Variants in CFAP47 observed in about 807,000 individuals in gnomAD.
The protein encoded by CFAP47 is cilia and flagella associated protein 47.
CFAP47 carries 29 observed loss-of-function variants against 148.1 expected under a neutral mutation model. That is an observed-to-expected ratio of 0.20 (90% CI 0.15 to 0.27). The LOEUF (loss-of-function observed/expected upper bound fraction) is 0.27, where lower values mean the gene tolerates loss of function less well. Ranked by LOEUF, CFAP47 falls within the 10% of genes least tolerant of loss-of-function variation. The pLI is 1.00. For synonymous variants in CFAP47, 664 were observed against 577.3 expected (o/e 1.15, Z -2.15); for missense variants, 1,872 against 1,697.5 (o/e 1.10, Z -1.81).
At chrX:36,349,515 A>C (rs1941725649) in intron 58 of CFAP47, among the ~76,000 whole-genome samples, 1 of 111,618 alleles carries the variant, frequency 9.0e-6, no homozygotes, top group South Asian at 3.7e-4. Flanking sequence ...CGCCTGCCTC[A>C]GCCTTCCAAA....
intron 51 of CFAP47, 136 bp from the exon 52 acceptor site, chrX:36,298,841 T>C (rs1056001008): frequency 1.8e-5 from 7 of 382,336 alleles, no homozygotes; most frequent in Non-Finnish European, 2.8e-5. Context: ...TGAGATATAT[T>C]CAATAGTGTA....
At chrX:36,120,682 T>A (rs990371290) in intron 33 of CFAP47, among the ~76,000 whole-genome samples, 1 of 112,056 alleles carries the variant, frequency 8.9e-6, no homozygotes, top group Non-Finnish European at 1.9e-5. Context: ...AAAATTTATC[T>A]CATTATTCCT....
chrX:36,239,499 T>C (rs1046968097), intron 48 of CFAP47, among the ~76,000 whole-genome samples: 1 of 112,226 alleles, frequency 8.9e-6, no homozygotes. Context: ...GGATTACTAT[T>C]TGACCTTTTT....
chrX:36,011,889 C>A (rs1937042556), intron 21 of CFAP47, among the ~76,000 whole-genome samples: 1 of 111,876 alleles, frequency 8.9e-6, no homozygotes, highest in Non-Finnish European at 1.9e-5. Flanking sequence ...GCTTTTGTTG[C>A]AATCGCTTTT....
At chrX:36,210,232 GT>G (rs1437861004) in intron 45 of CFAP47, among the ~76,000 whole-genome samples, 1 of 112,089 alleles carries the variant, frequency 8.9e-6, no homozygotes. Flanking sequence ...GAGTAGAAGG[GT>G]TGAATCATAT....
intron 45 of CFAP47, among the ~76,000 whole-genome samples, chrX:36,212,331 G>A (rs1940111332): frequency 8.9e-6 from 1 of 111,863 alleles, no homozygotes; most frequent in African/African-American, 3.2e-5. Context: ...AAATCAGAAA[G>A]TGTGAGTCCT....
chrX:36,345,397 G>T, intron 57 of CFAP47, among the ~76,000 whole-genome samples: 1 of 110,837 alleles, frequency 9.0e-6, no homozygotes, highest in Non-Finnish European at 1.9e-5. Context: ...ATTCTCATAA[G>T]CAGCCTGCAA....
chrX:35,923,945 ATGTG>A (rs1229512472), intron 1 of CFAP47, among the ~76,000 whole-genome samples: 1 of 65,402 alleles, frequency 1.5e-5, no homozygotes, highest in Non-Finnish European at 2.4e-5. Flanking sequence ...ATATATGTAC[ATGTG>A]TATATATGTA....
At position 36,146,844 on chromosome X, in the gene CFAP47, G is replaced by A. The variant is rs191260882; in HGVS notation, c.5670+1491G>A. 1.9e-4 allele frequency among the ~76,000 whole-genome samples: 19 copies of A among 102,406 alleles called. No homozygotes were observed. In the Admixed American group the frequency reaches 1.9e-3, roughly 10 times the overall value. 88.9% of individuals were successfully genotyped at this position (102,406 alleles called of 115,157 possible). A position where few individuals can be genotyped will look rare whatever the true frequency, so the allele number is the denominator to read the frequency against. The stretch of plus-strand genomic sequence containing the variant: ...TGCCCAGGCTGGAGTGCAGTGGCAC[G>A]ATCTCGGCTCACTGCAACCTCTGCC... On this transcript the variant is annotated intron_variant, in intron 36 of 63. Coordinates refer to ENST00000378653, the MANE Select transcript of CFAP47 (RefSeq NM_001304548.2).
At chrX:35,924,272 T>C (rs773129636) in intron 1 of CFAP47, among the ~76,000 whole-genome samples, 8 of 104,660 alleles carry the variant, frequency 7.6e-5, no homozygotes, top group South Asian at 3.9e-4. Context: ...TGTGTACATG[T>C]ATGTGTATAT....
chrX:36,008,416 T>G, intron 21 of CFAP47, among the ~76,000 whole-genome samples: 1 of 111,091 alleles, frequency 9.0e-6, no homozygotes, highest in Middle Eastern at 4.7e-3. Context: ...CTAGAAGTGA[T>G]CCTTTCTGGA....
chrX:36,350,471 G>A lies in CFAP47; in HGVS notation c.8698+339G>A, dbSNP rs186989089. 8.1e-5 allele frequency among the ~76,000 whole-genome samples: 9 copies of A among 110,520 alleles called. No homozygotes were observed. In the East Asian group the frequency reaches 2.3e-3, roughly 28 times the overall value. On this transcript the variant is annotated intron_variant, in intron 59 of 63. Coordinates refer to ENST00000378653, the MANE Select transcript of CFAP47 (RefSeq NM_001304548.2). The stretch of plus-strand genomic sequence containing the variant: ...AGGTCACTTTTAGTCATCCTTTTTC[G>A]GCTTCTGTGTAACTCTCGATCTCAT...
intron 57 of CFAP47, among the ~76,000 whole-genome samples, chrX:36,326,304 AAC>A (rs56939762): frequency 7.8e-4 from 81 of 103,215 alleles, no homozygotes; most frequent in East Asian, 2.1e-3. Flanking sequence ...CCAATTTCCA[AAC>A]ACACACACAC....
chrX:36,366,647 G>A (rs1187527295), intron 61 of CFAP47, among the ~76,000 whole-genome samples: 2 of 111,389 alleles, frequency 1.8e-5, no homozygotes, highest in Non-Finnish European at 3.8e-5. Context: ...TATGCACTAT[G>A]ATAATCTATG....
chrX:36,130,959 T>G (rs1938937200), intron 33 of CFAP47, among the ~76,000 whole-genome samples: 1 of 110,212 alleles, frequency 9.1e-6, no homozygotes. Flanking sequence ...GAGGTGGGGA[T>G]AGTTAATGGG....
At chrX:36,232,182 G>A (rs1273967357) in intron 46 of CFAP47, among the ~76,000 whole-genome samples, 5 of 111,396 alleles carry the variant, frequency 4.5e-5, no homozygotes, top group African/African-American at 1.6e-4. Context: ...AGTTTTAGAA[G>A]GAATGGTACC....
intron 49 of CFAP47, among the ~76,000 whole-genome samples, chrX:36,262,416 C>T (rs1556000349): frequency 9.0e-6 from 1 of 111,561 alleles, no homozygotes; most frequent in Non-Finnish European, 1.9e-5. Context: ...CTCTCTGTCA[C>T]CATAAATTCA....
chrX:36,252,685 G>C (rs1323221291), intron 49 of CFAP47, among the ~76,000 whole-genome samples: 1 of 111,661 alleles, frequency 9.0e-6, no homozygotes, highest in Non-Finnish European at 1.9e-5. Context: ...TTGATTTAAA[G>C]AAATTTAAGT....
Position 36,384,877 on chromosome X carries a change from T to C in CFAP47, c.9435T>C (p.Ile3145=). Residue 3145 remains isoleucine (I), a synonymous_variant, in exon 64 of 64, where the codon ATT becomes ATC. Coordinates refer to ENST00000378653, the MANE Select transcript of CFAP47 (RefSeq NM_001304548.2). ...CACCAAAAAATGCAAAAGCCAAAAT[T>C]GATGCTACTCACAAGACACATGACA... The part of the protein sequence containing the change: ...TVPPKNAKAK[I]DATHKTHDNM... 8.6e-7 allele frequency: 1 copy of C among 1,166,277 alleles called. No homozygotes were observed. The highest frequency in any genetic ancestry group is 1.1e-6 in the Non-Finnish European group (1 of 871,680).
Sources: gnomAD v4.1 joint callset for allele counts (sites outside exome capture counted in the v4.1 genomes callset) on GRCh38, gnomAD v4.1.1 for gene constraint, MANE v1.5 for transcripts, NCBI Gene and HGNC (gene_info 2026-07-23, HGNC 2026-07-21) for gene names.